DAB1: variants seen among roughly 807,000 people sequenced by gnomAD.
DAB1 encodes the protein disabled homolog 1.
A neutral mutation model predicts 64.6 loss-of-function variants in DAB1; 15 were observed. The ratio of observed to expected loss-of-function variants is 0.23; its 90% CI spans 0.16 to 0.36. The LOEUF (loss-of-function observed/expected upper bound fraction) is 0.36, where lower values mean the gene tolerates loss of function less well. Among genes scored for constraint, DAB1 ranks in the 10% least tolerant of loss-of-function variants. The pLI is 1.00. For synonymous variants in DAB1, 235 were observed against 251.9 expected, an observed-to-expected ratio of 0.93 and a Z score of 0.64; for missense variants, 596 against 706.7, an observed-to-expected ratio of 0.84 and a Z score of 1.78.
chr1:58,136,353 G>A (rs1030810808), intron 5 of DAB1, among the ~76,000 whole-genome samples: 5 of 152,072 alleles, frequency 3.3e-5, no homozygotes, highest in Non-Finnish European at 7.4e-5. Flanking sequence ...CTACGCTGCC[G>A]AAGTATTTTC....
intron 6 of DAB1, among the ~76,000 whole-genome samples, chr1:57,706,262 T>C (rs1210225186): frequency 2.0e-5 from 3 of 152,026 alleles, no homozygotes; most frequent in African/African-American, 7.2e-5. Flanking sequence ...TTTCTCTACT[T>C]TTTTTCTCTT....
intron 4 of DAB1, among the ~76,000 whole-genome samples, chr1:58,285,445 T>G (rs111510139): frequency 4.6e-5 from 7 of 152,268 alleles, no homozygotes; most frequent in African/African-American, 1.7e-4. Flanking sequence ...GTCTCAGCCC[T>G]AAAGCTTCTT....
At chr1:57,006,731 T>C (rs1365042271) in intron 14 of DAB1, among the ~76,000 whole-genome samples, 1 of 152,230 alleles carries the variant, frequency 6.6e-6, no homozygotes, top group Non-Finnish European at 1.5e-5. Flanking sequence ...TGTGGTTCTT[T>C]ATTTTAAGGG....
At chr1:57,071,713 C>A (rs1184354895) in intron 5 of DAB1, 72 bp from the exon 6 acceptor site, 3 of 1,430,862 alleles carry the variant, frequency 2.1e-6, no homozygotes, top group South Asian at 1.3e-5. Flanking sequence ...TTTGTTTTTG[C>A]GGCGACAACC....
intron 7 of DAB1, among the ~76,000 whole-genome samples, chr1:57,467,998 T>C (rs999000550): frequency 3.3e-5 from 5 of 152,222 alleles, no homozygotes; most frequent in Non-Finnish European, 7.3e-5. Flanking sequence ...ATAGACACTA[T>C]TCCTGAACTC....
intron 1 of DAB1, among the ~76,000 whole-genome samples, chr1:58,538,199 A>G (rs1364382145): frequency 6.6e-6 from 1 of 152,216 alleles, no homozygotes; most frequent in Non-Finnish European, 1.5e-5. Context: ...CATAAAACAA[A>G]CAAGAGAAAA....
At chr1:57,095,475 C>G (rs115045347) in intron 4 of DAB1, among the ~76,000 whole-genome samples, 1 of 152,344 alleles carries the variant, frequency 6.6e-6, no homozygotes, top group African/African-American at 2.4e-5. Flanking sequence ...TACTTCCTAC[C>G]TGTCTTGGTT....
intron 4 of DAB1, among the ~76,000 whole-genome samples, chr1:58,292,796 G>A (rs1348851564): frequency 1.3e-5 from 2 of 152,148 alleles, no homozygotes; most frequent in African/African-American, 4.8e-5. Flanking sequence ...AAATATTGGA[G>A]ATCCTGTAGT....
intron 6 of DAB1, among the ~76,000 whole-genome samples, chr1:57,745,951 C>G (rs958671198): frequency 2.6e-5 from 4 of 152,124 alleles, no homozygotes; most frequent in African/African-American, 7.2e-5. Flanking sequence ...TTTTCATGAA[C>G]AGTATTATAC....
intron 7 of DAB1, among the ~76,000 whole-genome samples, chr1:57,643,719 T>C (rs1045906915): frequency 8.5e-5 from 13 of 152,174 alleles, no homozygotes. Flanking sequence ...TATTAAAAAA[T>C]GTGTCCTGAT....
chr1:57,504,177 T>A (rs924215147), intron 7 of DAB1, among the ~76,000 whole-genome samples: 6 of 152,188 alleles, frequency 3.9e-5, no homozygotes, highest in Non-Finnish European at 8.8e-5. Context: ...CCATAATGAA[T>A]TCTTAGCAGC....
chr1:57,655,814 A>G (rs1270256854), intron 6 of DAB1, among the ~76,000 whole-genome samples: 1 of 152,248 alleles, frequency 6.6e-6, no homozygotes, highest in African/African-American at 2.4e-5. Flanking sequence ...TAAAATGCTC[A>G]TATTTGGGAT....
At chr1:58,476,843 C>T (rs1029569368) in intron 3 of DAB1, among the ~76,000 whole-genome samples, 4 of 152,158 alleles carry the variant, frequency 2.6e-5, no homozygotes, top group African/African-American at 9.7e-5. Flanking sequence ...TCCTCACTTC[C>T]TATATGAGAT....
chr1:57,550,056 G>A (rs1356634342), intron 7 of DAB1, among the ~76,000 whole-genome samples: 2 of 152,158 alleles, frequency 1.3e-5, no homozygotes, highest in Admixed American at 1.3e-4. Flanking sequence ...GATATGTATA[G>A]CTTGACAGGC....
intron 5 of DAB1, among the ~76,000 whole-genome samples, chr1:58,057,171 T>G (rs1648173335): frequency 6.6e-6 from 1 of 152,146 alleles, no homozygotes; most frequent in African/African-American, 2.4e-5. Flanking sequence ...CTACCACAGT[T>G]CTTAATATAT....
intron 6 of DAB1, among the ~76,000 whole-genome samples, chr1:57,800,546 A>C (rs1015533519): frequency 6.6e-6 from 1 of 152,154 alleles, no homozygotes; most frequent in Non-Finnish European, 1.5e-5. Context: ...TTTGTCATAC[A>C]CCTTCCCCAT....
intron 6 of DAB1, among the ~76,000 whole-genome samples, chr1:57,701,560 G>A (rs544271055): frequency 6.7e-4 from 102 of 152,054 alleles, no homozygotes; most frequent in Non-Finnish European, 5.7e-4. Context: ...GGGGGAGGAG[G>A]GAGGGATAGC....
At chr1:58,123,059 AT>A (rs964824856) in intron 5 of DAB1, among the ~76,000 whole-genome samples, 2 of 152,032 alleles carry the variant, frequency 1.3e-5, no homozygotes, top group African/African-American at 4.8e-5. Flanking sequence ...GTCTGCCTTT[AT>A]TTTTCTGAGA....
intron 4 of DAB1, among the ~76,000 whole-genome samples, chr1:58,259,812 C>T (rs1200902596): frequency 6.6e-6 from 1 of 152,160 alleles, no homozygotes; most frequent in Non-Finnish European, 1.5e-5. Context: ...GCTTTATCCA[C>T]AAAGAATGGT....
Sources: gnomAD v4.1 joint callset for allele counts (sites outside exome capture counted in the v4.1 genomes callset) on GRCh38, gnomAD v4.1.1 for gene constraint, MANE v1.5 for transcripts, NCBI Gene and HGNC (gene_info 2026-07-23, HGNC 2026-07-21) for gene names.